HEPHL1: variants seen among roughly 807,000 people sequenced by gnomAD.
HEPHL1 encodes hephaestin like 1.
Under a neutral mutation model 122.0 loss-of-function variants are expected in HEPHL1, and 123 were observed. The ratio of observed to expected loss-of-function variants is 1.01; its 90% CI spans 0.87 to 1.17. The LOEUF (loss-of-function observed/expected upper bound fraction) is 1.17. Among genes scored for constraint, HEPHL1 ranks in the 50% most tolerant of loss-of-function variants. HEPHL1 has a pLI of 0.00. For synonymous variants in HEPHL1, 527 were observed against 508.9 expected (o/e 1.04, Z -0.48); for missense variants, 1,452 against 1,430.5 (o/e 1.01, Z -0.24).
intron 1 of HEPHL1, among the ~76,000 whole-genome samples, chr11:94,033,505 A>G (rs759224293): frequency 2.6e-5 from 4 of 152,128 alleles, no homozygotes; most frequent in Non-Finnish European, 5.9e-5. Flanking sequence ...CCTCATATCC[A>G]CAGCGGACAT....
chr11:94,023,771 T>G (rs1418514920), intron 1 of HEPHL1, among the ~76,000 whole-genome samples: 1 of 152,198 alleles, frequency 6.6e-6, no homozygotes, highest in African/African-American at 2.4e-5. Flanking sequence ...TGCTACCTCT[T>G]GGAAGGGAAA....
At chr11:94,046,204 C>T (rs1290976612) in intron 2 of HEPHL1, among the ~76,000 whole-genome samples, 1 of 142,508 alleles carries the variant, frequency 7.0e-6, no homozygotes. Context: ...AGGATATTCT[C>T]CTGCCTCAGC....
chr11:94,086,280 T>G, intron 11 of HEPHL1, 91 bp downstream of exon 11: 4 of 939,042 alleles, frequency 4.3e-6, no homozygotes, highest in Non-Finnish European at 6.6e-6. Context: ...TGGTAGACTT[T>G]GTGCACTTCA....
rs1945972540 is a variant in HEPHL1 at position 94,060,095 on chromosome 11, TATA to T, written c.416-3412_416-3410del. Among the ~76,000 whole-genome samples, 16 of 135,946 alleles carry T rather than the reference TATA, an allele frequency of 1.2e-4. 2 individuals carry two copies. Among genetic ancestry groups the T allele is most frequent in the African/African-American group, 3.7e-4 (12 of 32,852 alleles). The allele number at this position is 135,946 out of a possible 152,430, so 89.2% of individuals were successfully genotyped here. On this transcript the variant is annotated intron_variant, in intron 2 of 19. Transcript: ENST00000315765. The stretch of plus-strand genomic sequence containing the variant: ...AATACCACTCAGTCATATTTTATTA[TATA>T]TATATATATATATATATATATATAT...
At position 94,036,545 on chromosome 11, in the gene HEPHL1, C is replaced by T. The variant is rs541194481; in HGVS notation, c.171-9128C>T. 2.0e-5 allele frequency among the ~76,000 whole-genome samples: 3 copies of T among 152,264 alleles called. No individual in the cohort carries two copies. The East Asian group carries it at 5.8e-4, about 29-fold the overall frequency. Reference sequence around the variant, plus strand: ...ACAGAGCTTCTAGAGTCTTCTAGATCCAACTGGTCTACCCATCTTAGAATT... The same window carrying T: ...ACAGAGCTTCTAGAGTCTTCTAGATTCAACTGGTCTACCCATCTTAGAATT... On this transcript the variant is annotated intron_variant, in intron 1 of 19. Transcript: ENST00000315765.
chr11:94,044,741 G>A (rs529321519), intron 1 of HEPHL1, among the ~76,000 whole-genome samples: 11 of 150,012 alleles, frequency 7.3e-5, no homozygotes, highest in Admixed American at 6.0e-4. Context: ...TGTAACCACA[G>A]CAATCTTTTC....
Position 94,045,823 on chromosome 11 carries a change from A to T in HEPHL1, c.321A>T (p.Glu107Asp). Residue 107 changes from glutamate to aspartate, a missense_variant, in exon 2 of 20, where the codon GAA becomes GAT. Glu to Asp is a conservative substitution (Grantham distance 45). Transcript: ENST00000315765. ...TCCTGGGCCCCATCTTGAGGGCCGA[A>T]GTGGGTGATGTGATTGTCATTCATT... is the stretch of plus-strand genomic sequence containing the variant. The part of the protein sequence containing the change: ...LGFLGPILRA[E>D]VGDVIVIHLK... 1 of 1,613,890 alleles carries T rather than the reference A, an allele frequency of 6.2e-7. No homozygotes were observed. Among genetic ancestry groups the T allele is most frequent in the Non-Finnish European group, 8.5e-7 (1 of 1,179,846 alleles).
At chr11:94,065,686 A>C (rs1033029876) in intron 4 of HEPHL1, among the ~76,000 whole-genome samples, 3 of 152,190 alleles carry the variant, frequency 2.0e-5, no homozygotes, top group Non-Finnish European at 4.4e-5. Context: ...ACATAAATTC[A>C]AATCATTGCT....
chr11:94,092,907 A>G lies in HEPHL1; in HGVS notation c.2295-594A>G, dbSNP rs572279935. Reference sequence around the variant, plus strand: ...TTCAGTCTTTATTAGTCCAGTTATCACAATGACTTTCTAGAACATAACTAG... The same window carrying G: ...TTCAGTCTTTATTAGTCCAGTTATCGCAATGACTTTCTAGAACATAACTAG... On this transcript the variant is annotated intron_variant, in intron 12 of 19. Transcript: ENST00000315765. 3.3e-5 allele frequency among the ~76,000 whole-genome samples: 5 copies of G among 152,326 alleles called. No individual in the cohort carries two copies. In the East Asian group the frequency reaches 9.6e-4, roughly 29 times the overall value.
chr11:94,022,002 G>A (rs1945585896), intron 1 of HEPHL1, among the ~76,000 whole-genome samples: 1 of 152,196 alleles, frequency 6.6e-6, no homozygotes, highest in Non-Finnish European at 1.5e-5. Flanking sequence ...GTTTAAAAGA[G>A]GGGGAAGTCA....
At chr11:94,023,402 T>C (rs967080190) in intron 1 of HEPHL1, among the ~76,000 whole-genome samples, 6 of 152,342 alleles carry the variant, frequency 3.9e-5, no homozygotes, top group Admixed American at 3.9e-4. Context: ...ACAAGTTATC[T>C]GGGTTAATTC....
chr11:94,054,606 G>A (rs1302075771), intron 2 of HEPHL1, among the ~76,000 whole-genome samples: 1 of 152,208 alleles, frequency 6.6e-6, no homozygotes, highest in Admixed American at 6.5e-5. Flanking sequence ...TTTCAATTCA[G>A]CTGCATGTGC....
chr11:94,100,357 C>T (rs1946358633), intron 13 of HEPHL1, among the ~76,000 whole-genome samples: 1 of 152,150 alleles, frequency 6.6e-6, no homozygotes, highest in African/African-American at 2.4e-5. Flanking sequence ...CAAGAGAGAG[C>T]CATAGGGATC....
intron 2 of HEPHL1, among the ~76,000 whole-genome samples, chr11:94,049,205 A>G (rs1471507930): frequency 6.6e-6 from 1 of 152,112 alleles, no homozygotes; most frequent in African/African-American, 2.4e-5. Context: ...GCCAACAGGT[A>G]TATTAAAAAA....
At chr11:94,032,838 G>A (rs1945687842) in intron 1 of HEPHL1, among the ~76,000 whole-genome samples, 1 of 152,200 alleles carries the variant, frequency 6.6e-6, no homozygotes, top group Non-Finnish European at 1.5e-5. Flanking sequence ...GCTCAAGCAA[G>A]TGCATTGAGG....
intron 1 of HEPHL1, among the ~76,000 whole-genome samples, chr11:94,033,180 T>G (rs1945691493): frequency 6.6e-6 from 1 of 152,226 alleles, no homozygotes; most frequent in African/African-American, 2.4e-5. Flanking sequence ...TAATAAACTT[T>G]CATTCCTGCT....
At chr11:94,062,972 T>A (rs1565352259) in intron 2 of HEPHL1, among the ~76,000 whole-genome samples, 1 of 152,134 alleles carries the variant, frequency 6.6e-6, no homozygotes, top group Non-Finnish European at 1.5e-5. Context: ...TGCTTTATTC[T>A]CCAGTTGTCC....
intron 2 of HEPHL1, among the ~76,000 whole-genome samples, chr11:94,060,869 T>C (rs1945981512): frequency 6.6e-6 from 1 of 152,126 alleles, no homozygotes; most frequent in Admixed American, 6.6e-5. Context: ...AAGATCACTC[T>C]TGTGGTAGCT....
intron 1 of HEPHL1, among the ~76,000 whole-genome samples, chr11:94,028,343 A>T (rs78552394): frequency 0.013 from 2,012 of 152,334 alleles, 15 homozygotes; most frequent in Non-Finnish European, 0.021. Flanking sequence ...ACATCCCTCT[A>T]AAAGATGCAG....
Sources: gnomAD v4.1 joint callset for allele counts (sites outside exome capture counted in the v4.1 genomes callset) on GRCh38, gnomAD v4.1.1 for gene constraint, MANE v1.5 for transcripts, NCBI Gene and HGNC (gene_info 2026-07-23, HGNC 2026-07-21) for gene names.